GRM7: variants seen among roughly 807,000 people sequenced by gnomAD.
The protein encoded by GRM7 is glutamate metabotropic receptor 7, also known as metabotropic glutamate receptor 7.
In GRM7, 35 loss-of-function variants were observed where a neutral mutation model predicts 84.5. The observed-to-expected ratio is 0.41, with a 90% CI of 0.32 to 0.55. The LOEUF is 0.55. GRM7 is among the 20% of genes least tolerant of loss of function. The pLI is 0.19. For synonymous variants in GRM7, 487 were observed against 455.1 expected, an observed-to-expected ratio of 1.07 and a Z score of -0.89; for missense variants, 1,003 against 1,194.6, an observed-to-expected ratio of 0.84 and a Z score of 2.36.
chr3:7,605,242 A>G (rs548518030), intron 8 of GRM7, among the ~76,000 whole-genome samples: 33 of 152,172 alleles, frequency 2.2e-4, no homozygotes, highest in Non-Finnish European at 4.1e-4. Flanking sequence ...AGCTCTCTGT[A>G]GATGACAGAG....
chr3:7,394,216 T>C (rs1695115695), intron 4 of GRM7, among the ~76,000 whole-genome samples: 1 of 152,224 alleles, frequency 6.6e-6, no homozygotes, highest in Non-Finnish European at 1.5e-5. Context: ...TGCTCTGTTT[T>C]GAACCATTAT....
intron 8 of GRM7, among the ~76,000 whole-genome samples, chr3:7,641,535 G>A (rs918616987): frequency 6.6e-6 from 1 of 152,112 alleles, no homozygotes; most frequent in Non-Finnish European, 1.5e-5. Flanking sequence ...TTGGGAACAT[G>A]TGAAAATCTT....
chr3:7,326,735 G>A (rs1328787699), intron 4 of GRM7, among the ~76,000 whole-genome samples: 1 of 151,718 alleles, frequency 6.6e-6, no homozygotes, highest in Non-Finnish European at 1.5e-5. Context: ...TCAGGAGGCT[G>A]AGGTAGGAGA....
chr3:7,406,543 T>C (rs1040268508), intron 4 of GRM7, among the ~76,000 whole-genome samples: 3 of 152,090 alleles, frequency 2.0e-5, no homozygotes, highest in African/African-American at 7.2e-5. Context: ...AAAAATAGAA[T>C]GATACAATCA....
In GRM7 at chr3:7,597,551, C is replaced by T. The variant is rs116774920; in HGVS notation, c.2451+18194C>T. 5.5e-3 allele frequency among the ~76,000 whole-genome samples: 836 copies of T among 152,240 alleles called. 10 individuals are homozygous for T. Among genetic ancestry groups the T allele is most frequent in the African/African-American group, 0.019 (790 of 41,540 alleles). ...TGTTCCATGATCTTCCATTACCAGA[C>T]TCAAATATACTGGATTTAGCACATC... On this transcript the variant is annotated intron_variant, in intron 8 of 9. Transcript: ENST00000357716.
chr3:7,309,194 C>A (rs1434585621), intron 4 of GRM7, among the ~76,000 whole-genome samples: 2 of 152,146 alleles, frequency 1.3e-5, no homozygotes, highest in African/African-American at 2.4e-5. Context: ...ACTTTCGTAG[C>A]AGACAGAACA....
At chr3:7,273,737 C>A (rs1260867712) in intron 2 of GRM7, among the ~76,000 whole-genome samples, 4 of 151,764 alleles carry the variant, frequency 2.6e-5, no homozygotes, top group African/African-American at 9.7e-5. Context: ...CTATACGAGT[C>A]TTTAAAGTGG....
intron 2 of GRM7, among the ~76,000 whole-genome samples, chr3:7,209,531 T>C (rs1393180364): frequency 2.0e-5 from 3 of 152,256 alleles, no homozygotes; most frequent in South Asian, 2.1e-4. Flanking sequence ...AGGCATTTGA[T>C]TGAAAGCTTT....
intron 8 of GRM7, among the ~76,000 whole-genome samples, chr3:7,655,424 C>A (rs74866340): frequency 0.018 from 2,700 of 152,096 alleles, 78 homozygotes; most frequent in African/African-American, 0.062. Flanking sequence ...AGTTATAAAA[C>A]CCATCCCAGA....
chr3:7,609,528 C>CGTGGG (rs1696748910), intron 8 of GRM7, among the ~76,000 whole-genome samples: 4 of 152,118 alleles, frequency 2.6e-5, no homozygotes, highest in African/African-American at 9.7e-5. Context: ...ATGAGCCTTT[C>CGTGGG]CTCCACATTA....
intron 9 of GRM7, among the ~76,000 whole-genome samples, chr3:7,701,943 T>TATCA (rs1349428968): frequency 2.0e-5 from 3 of 152,202 alleles, no homozygotes; most frequent in Non-Finnish European, 2.9e-5. Flanking sequence ...TTTTTTACAC[T>TATCA]ATCATATAAA....
chr3:7,240,079 G>A (rs1004608551), intron 2 of GRM7, among the ~76,000 whole-genome samples: 9 of 141,800 alleles, frequency 6.3e-5, no homozygotes, highest in African/African-American at 2.3e-4. Context: ...CCCATCAAAT[G>A]TGTATGAGTA....
At chr3:7,590,831 C>A (rs1226822659) in intron 8 of GRM7, among the ~76,000 whole-genome samples, 1 of 152,168 alleles carries the variant, frequency 6.6e-6, no homozygotes, top group South Asian at 2.1e-4. Flanking sequence ...CTGTTTGTTC[C>A]TATTCCTCAG....
intron 9 of GRM7, chr3:7,691,322 A>T: frequency 8.4e-7 from 1 of 1,193,682 alleles, no homozygotes; most frequent in Non-Finnish European, 1.1e-6. Flanking sequence ...CAGCAACTCC[A>T]TTTTCTGTAA....
At chr3:7,032,668 G>C (rs1696232898) in intron 1 of GRM7, among the ~76,000 whole-genome samples, 1 of 152,032 alleles carries the variant, frequency 6.6e-6, no homozygotes, top group African/African-American at 2.4e-5. Context: ...TTTGTCATAG[G>C]AAGTGACTAG....
At chr3:7,693,618 G>GTTGT (rs1022346112) in intron 9 of GRM7, 5 of 1,497,106 alleles carry the variant, frequency 3.3e-6, no homozygotes, top group Non-Finnish European at 4.5e-6. Flanking sequence ...GACTTGAGCT[G>GTTGT]TTGTTTTTAT....
intron 7 of GRM7, among the ~76,000 whole-genome samples, chr3:7,507,450 G>A (rs572211673): frequency 2.0e-5 from 3 of 152,266 alleles, no homozygotes; most frequent in African/African-American, 7.2e-5. Flanking sequence ...AATGGAAAAC[G>A]TTTCTTCTAA....
intron 2 of GRM7, among the ~76,000 whole-genome samples, chr3:7,289,324 C>A (rs553743005): frequency 6.6e-6 from 1 of 152,066 alleles, no homozygotes; most frequent in Admixed American, 6.6e-5. Flanking sequence ...TTGAAAAGAA[C>A]GTGATGTTTC....
At chr3:7,540,989 A>C in intron 7 of GRM7, among the ~76,000 whole-genome samples, 1 of 152,208 alleles carries the variant, frequency 6.6e-6, no homozygotes, top group East Asian at 1.9e-4. Context: ...TATGTTAATA[A>C]AGCTTGGAAA....
Sources: allele counts gnomAD v4.1 joint callset (sites outside exome capture counted in the v4.1 genomes callset), GRCh38; gene constraint gnomAD v4.1.1; transcripts MANE v1.5; gene names NCBI Gene and HGNC (gene_info 2026-07-23, HGNC 2026-07-21).